The following PIK3C2G variants were observed in gnomAD, a reference collection of about 807,000 sequenced individuals.
PIK3C2G encodes phosphatidylinositol 3-kinase C2 domain-containing subunit gamma.
PIK3C2G carries 168 observed loss-of-function variants against 181.1 expected under a neutral mutation model. The observed-to-expected ratio is 0.93, with a 90% confidence interval of 0.82 to 1.05. The LOEUF is 1.05. Ranked by LOEUF, PIK3C2G falls within the 50% of genes least tolerant of loss-of-function variation. The pLI is 0.00. For synonymous variants in PIK3C2G, 573 were observed against 592.2 expected (o/e 0.97, Z 0.47); for missense variants, 1,869 against 1,732.8 (o/e 1.08, Z -1.40).
chr12:18,354,829 C>A (rs1940575180), intron 11 of PIK3C2G, among the ~76,000 whole-genome samples: 1 of 152,162 alleles, frequency 6.6e-6, no homozygotes, highest in Non-Finnish European at 1.5e-5. Flanking sequence ...ATTTCCCTTC[C>A]TTCTTTCAGC....
chr12:18,499,320 G>A (rs576471782), intron 22 of PIK3C2G, among the ~76,000 whole-genome samples: 1 of 152,258 alleles, frequency 6.6e-6, no homozygotes, highest in South Asian at 2.1e-4. Flanking sequence ...AGATTAGGTT[G>A]CATTTTTAAT....
intron 18 of PIK3C2G, among the ~76,000 whole-genome samples, chr12:18,476,616 A>C (rs1055412120): frequency 6.6e-6 from 1 of 152,136 alleles, no homozygotes; most frequent in African/African-American, 2.4e-5. Flanking sequence ...TTTGAGAGCT[A>C]TTTTGAAGGT....
chr12:18,651,571 A>G (rs912266336), downstream of PIK3C2G, among the ~76,000 whole-genome samples: 1 of 152,174 alleles, frequency 6.6e-6, no homozygotes, highest in Non-Finnish European at 1.5e-5. Context: ...TGTCCTCACC[A>G]TAAAGAACCC....
At chr12:18,368,076 C>A (rs778353856) in intron 12 of PIK3C2G, among the ~76,000 whole-genome samples, 1 of 152,036 alleles carries the variant, frequency 6.6e-6, no homozygotes, top group Non-Finnish European at 1.5e-5. Context: ...TGGGGGAAAC[C>A]GCTCCTGTGA....
At chr12:18,309,766 G>A (rs1950563827) in intron 5 of PIK3C2G, among the ~76,000 whole-genome samples, 1 of 151,732 alleles carries the variant, frequency 6.6e-6, no homozygotes, top group Non-Finnish European at 1.5e-5. Context: ...TTTCCTACAA[G>A]TGCATGTACA....
At chr12:18,719,504 T>C in the PIK3C2G span, 1 of 1,588,774 alleles carries the variant, frequency 6.3e-7, no homozygotes, top group Non-Finnish European at 8.6e-7. Context: ...GAAGATGAAA[T>C]AAAATAATCA....
chr12:18,323,747 C>A (rs1046614292), intron 7 of PIK3C2G, among the ~76,000 whole-genome samples: 1 of 152,172 alleles, frequency 6.6e-6, no homozygotes, highest in Non-Finnish European at 1.5e-5. Context: ...CACTGGATGG[C>A]AAGGGCTTTG....
the PIK3C2G span, among the ~76,000 whole-genome samples, chr12:18,717,214 T>C: frequency 7.3e-3 from 1,110 of 152,210 alleles, 11 homozygotes; most frequent in African/African-American, 0.026. Context: ...TATAACTGCT[T>C]TAATATTTAT....
intron 8 of PIK3C2G, among the ~76,000 whole-genome samples, chr12:18,325,599 T>C (rs1951304059): frequency 6.6e-6 from 1 of 151,482 alleles, no homozygotes; most frequent in African/African-American, 2.4e-5. Context: ...TCCCAGCTAC[T>C]TGGGAGGCTG....
intron 26 of PIK3C2G, among the ~76,000 whole-genome samples, chr12:18,557,695 A>G (rs1401882934): frequency 6.6e-6 from 1 of 152,146 alleles, no homozygotes; most frequent in Non-Finnish European, 1.5e-5. Context: ...GACTGTGTAC[A>G]TACAAATTTC....
intron 24 of PIK3C2G, among the ~76,000 whole-genome samples, chr12:18,505,916 A>G (rs1941799877): frequency 6.6e-6 from 1 of 152,194 alleles, no homozygotes; most frequent in Non-Finnish European, 1.5e-5. Context: ...CTACTATTCA[A>G]GGATATAACA....
chr12:18,671,397 G>A, the PIK3C2G span, among the ~76,000 whole-genome samples: 1 of 152,078 alleles, frequency 6.6e-6, no homozygotes, highest in Middle Eastern at 3.4e-3. Flanking sequence ...GAAAGAACAC[G>A]AGAGCCTGGC....
chr12:18,434,207 A>G (rs1313442372), intron 18 of PIK3C2G, among the ~76,000 whole-genome samples: 1 of 152,108 alleles, frequency 6.6e-6, no homozygotes, highest in African/African-American at 2.4e-5. Context: ...AGAAAAGCAA[A>G]CTGACTTTTG....
intron 5 of PIK3C2G, among the ~76,000 whole-genome samples, chr12:18,299,199 G>T (rs1433941954): frequency 6.6e-6 from 1 of 151,876 alleles, no homozygotes; most frequent in Non-Finnish European, 1.5e-5. Context: ...ATTTATTTGT[G>T]TGCTGTTCAA....
chr12:18,521,291 C>T (rs959471236), intron 24 of PIK3C2G, among the ~76,000 whole-genome samples: 9 of 152,236 alleles, frequency 5.9e-5, no homozygotes, highest in Non-Finnish European at 1.3e-4. Flanking sequence ...AAGGGTTGTG[C>T]TTCACTGTGG....
At chr12:18,559,821 T>TATATATAGAGAGAG (rs1945244509) in intron 26 of PIK3C2G, among the ~76,000 whole-genome samples, 3 of 18,370 alleles carry the variant, frequency 1.6e-4, no homozygotes, top group Admixed American at 1.0e-3. Context: ...TATATATATA[T>TATATATAGAGAGAG]AGAGAGAGAG....
At chr12:18,405,572 G>GA (rs138351357) in intron 16 of PIK3C2G, among the ~76,000 whole-genome samples, 18,963 of 151,394 alleles carry the variant, frequency 0.13, 1,214 homozygotes, top group African/African-American at 0.14. Context: ...AAAATAAACT[G>GA]AAAAAAAAGT....
At chr12:18,611,324 A>T (rs1948320848) in intron 31 of PIK3C2G, among the ~76,000 whole-genome samples, 1 of 152,110 alleles carries the variant, frequency 6.6e-6, no homozygotes, top group Non-Finnish European at 1.5e-5. Context: ...AAAAAGAGTT[A>T]CTAATGATGT....
At chr12:18,688,356 T>C in the PIK3C2G span, 5 of 829,012 alleles carry the variant, frequency 6.0e-6, no homozygotes, top group Non-Finnish European at 8.9e-6. Flanking sequence ...TGGAATACAA[T>C]ACAAATTTTA....
Sources: allele counts gnomAD v4.1 joint callset (sites outside exome capture counted in the v4.1 genomes callset), GRCh38; gene constraint gnomAD v4.1.1; transcripts MANE v1.5; gene names NCBI Gene and HGNC (gene_info 2026-07-23, HGNC 2026-07-21).